Variants in PLPBP observed in about 807,000 individuals in gnomAD.
PLPBP encodes the protein pyridoxal phosphate binding protein.
In PLPBP, 21 loss-of-function variants were observed where a neutral mutation model predicts 31.2. The ratio of observed to expected loss-of-function variants is 0.67; its 90% CI spans 0.48 to 0.97. The LOEUF is 0.97. Among genes scored for constraint, PLPBP ranks in the 50% least tolerant of loss-of-function variants. The pLI is 0.00. For synonymous variants in PLPBP, 124 were observed against 135.6 expected (o/e 0.91, Z 0.59); for missense variants, 308 against 354.4 (o/e 0.87, Z 1.05).
chr8:37,773,623 C>T lies in PLPBP; in HGVS notation c.454+734C>T, dbSNP rs188067392. On this transcript the variant is annotated intron_variant, in intron 5 of 7. Coordinates refer to ENST00000328195, the MANE Select transcript of PLPBP (RefSeq NM_007198.4). ...AGCTGGGATTACAGGCACGCGCTAC[C>T]ACGCCCAGCTAATATTTGTATTTTT... Among the ~76,000 whole-genome samples, 59 of 152,210 alleles carry T rather than the reference C, an allele frequency of 3.9e-4. No individual in the cohort carries two copies. The South Asian group carries it at 7.7e-3, about 20-fold the overall frequency.
chr8:37,766,581 C>T, intron 4 of PLPBP: 1 of 1,160,692 alleles, frequency 8.6e-7, no homozygotes, highest in Non-Finnish European at 1.1e-6. Flanking sequence ...TACCCAACCT[C>T]ATGTTTATTA....
rs949408076 is a variant in PLPBP at position 37,779,182 on chromosome 8, T to G, written c.*1078T>G. On this transcript the variant is annotated 3_prime_UTR_variant, in exon 8 of 8. Coordinates refer to ENST00000328195, the MANE Select transcript of PLPBP (RefSeq NM_007198.4). ...ACATCATCCTGAAGAGACAGGACTT[T>G]GCGTTTTTCCTCTGGGACCTACAGT... 2 of 152,208 alleles carry G rather than the reference T, an allele frequency of 1.3e-5. No individual in the cohort carries two copies. The highest frequency in any genetic ancestry group is 4.8e-5 in the African/African-American group (2 of 41,456). The allele number at this position is 152,208 out of a possible 1,614,324, so 9.4% of individuals were successfully genotyped here. A position where few individuals can be genotyped will look rare whatever the true frequency, so the allele number is the denominator to read the frequency against.
rs751675133 is a variant in PLPBP at position 37,778,160 on chromosome 8, T to G, written c.*56T>G. 2 of 1,582,194 alleles carry G rather than the reference T, an allele frequency of 1.3e-6. No homozygotes were observed. Among genetic ancestry groups the G allele is most frequent in the Non-Finnish European group, 8.6e-7 (1 of 1,159,326 alleles). On this transcript the variant is annotated 3_prime_UTR_variant, in exon 8 of 8. Coordinates refer to ENST00000328195, the MANE Select transcript of PLPBP (RefSeq NM_007198.4). ...ACTAACCTAGATTTTCATTTCGATATTCCCTGTGTCCCAGCGCAGTCCTGC... is the reference window on the plus strand; with the variant it reads ...ACTAACCTAGATTTTCATTTCGATAGTCCCTGTGTCCCAGCGCAGTCCTGC...
At chr8:37,776,706 G>A (rs1191616330) in intron 7 of PLPBP, among the ~76,000 whole-genome samples, 2 of 151,970 alleles carry the variant, frequency 1.3e-5, no homozygotes, top group African/African-American at 4.8e-5. Flanking sequence ...ATTTCATTAC[G>A]TAAGTGCGTG....
In PLPBP at chr8:37,769,096, A is replaced by G. The variant is rs1803710561; in HGVS notation, c.319+2741A>G. Among the ~76,000 whole-genome samples the G allele has an allele frequency of 3.3e-5, 5 of 152,124 alleles. 1 individual carries two copies. Among genetic ancestry groups the G allele is most frequent in the Admixed American group, 1.3e-4 (2 of 15,262 alleles). On this transcript the variant is annotated intron_variant, in intron 4 of 7. Transcript: ENST00000328195. ...ACACCTGTAAATCTAGCACTTTGGG[A>G]GGCCAAGGCAGGTGGATCACTTGAG...
Position 37,765,641 on chromosome 8 carries a change from C to G in PLPBP, c.207+8C>G, listed in dbSNP as rs753713837. ...ACTTTTGGCGAGAACTACGTAAGAG[C>G]CCTTTCCTGAAGCCCTTTGGAAGCA... On this transcript the variant is annotated splice_region_variant and intron_variant, in intron 2 of 7. Transcript: ENST00000328195. 20 of 1,614,060 alleles carry G rather than the reference C, an allele frequency of 1.2e-5. No homozygotes were observed. The highest frequency in any genetic ancestry group is 1.6e-5 in the Non-Finnish European group (19 of 1,180,020).
chr8:37,772,764 A>T lies in PLPBP; in HGVS notation c.329A>T (p.Asn110Ile), dbSNP rs370405023. ...CTCTGTCTCATTACAGCTGTCCCCA[A>T]TCTCTTCATGCTGGAAACAGTGGAT... is the stretch of plus-strand genomic sequence containing the variant. ...QNVNKLMAVP[N>I]LFMLETVDSV... is the part of the protein sequence containing the mutation. The change falls in exon 5 of 8, where the codon AAT becomes ATT. Residue 110 changes from asparagine to isoleucine, a missense_variant. Around this residue, in one of 2 missense-constraint regions of PLPBP, gnomAD observed 188 missense variants for 259.3 expected, o/e 0.73. Transcript: ENST00000328195. 1 of 1,614,168 alleles carries T rather than the reference A, an allele frequency of 6.2e-7. No individual in the cohort carries two copies. Among genetic ancestry groups the T allele is most frequent in the South Asian group, 1.1e-5 (1 of 91,086 alleles).
At chr8:37,768,624 C>G (rs1803697778) in intron 4 of PLPBP, among the ~76,000 whole-genome samples, 1 of 151,896 alleles carries the variant, frequency 6.6e-6, no homozygotes, top group Non-Finnish European at 1.5e-5. Flanking sequence ...AGGCGCCCAC[C>G]ACCACGCCCA....
At position 37,762,655 on chromosome 8, in the gene PLPBP, G is replaced by T. The variant is rs1337509340; in HGVS notation, c.-5G>T. Reference sequence around the variant, plus strand: ...GGCCTGGGGCTCGGCGTCGGTCCCCGGGGGATGTGGAGAGCTGGCAGCATG... The same window carrying T: ...GGCCTGGGGCTCGGCGTCGGTCCCCTGGGGATGTGGAGAGCTGGCAGCATG... On this transcript the variant is annotated 5_prime_UTR_variant, in exon 1 of 8. Transcript: ENST00000328195. 6.3e-7 allele frequency: 1 copy of T among 1,575,000 alleles called. No homozygotes were observed. Among genetic ancestry groups the T allele is most frequent in the African/African-American group, 1.3e-5 (1 of 74,606 alleles).
rs1323782466 is a variant in PLPBP, at chr8:37,779,310, C to T, written c.*1206C>T. The T allele has an allele frequency of 6.6e-6, 1 of 152,124 alleles. No individual in the cohort carries two copies. Among genetic ancestry groups the T allele is most frequent in the Non-Finnish European group, 1.5e-5 (1 of 68,020 alleles). 9.4% of individuals were successfully genotyped at this position (152,124 alleles called of 1,614,324 possible). On this transcript the variant is annotated 3_prime_UTR_variant, in exon 8 of 8. Transcript: ENST00000328195. ...ATTACTCCTAAGAAACGAAAGATTC[C>T]TTCAAAGCCTTTTCAGGCACATGGT...
At chr8:37,764,195 C>T (rs1376124491) in intron 1 of PLPBP, among the ~76,000 whole-genome samples, 1 of 151,976 alleles carries the variant, frequency 6.6e-6, no homozygotes, top group Admixed American at 6.6e-5. Context: ...CTCCACCTCC[C>T]GGGTTCACGC....
chr8:37,776,594 AT>A (rs1183132994), intron 7 of PLPBP, among the ~76,000 whole-genome samples: 1 of 151,936 alleles, frequency 6.6e-6, no homozygotes, highest in Non-Finnish European at 1.5e-5. Context: ...TCTAAAGGAA[AT>A]AAGAAATTAA....
intron 4 of PLPBP, among the ~76,000 whole-genome samples, chr8:37,770,048 A>G (rs939665228): frequency 1.2e-4 from 19 of 152,364 alleles, no homozygotes; most frequent in Middle Eastern, 3.4e-3. Context: ...CAGTATTGTC[A>G]AAATGTCCTT....
chr8:37,763,434 G>C (rs865941349), intron 1 of PLPBP, among the ~76,000 whole-genome samples: 2 of 152,212 alleles, frequency 1.3e-5, no homozygotes, highest in African/African-American at 2.4e-5. Flanking sequence ...TTAACAGAGA[G>C]GTCACAGGTT....
chr8:37,762,693 G>C lies in PLPBP; in HGVS notation c.34G>C (p.Gly12Arg), dbSNP rs1803510078. The C allele has an allele frequency of 6.3e-7, 1 of 1,590,716 alleles. No individual in the cohort carries two copies. Reference protein sequence around the residue: ...WRAGSMSAELGVGCALRAVNE... With the variant: ...WRAGSMSAELRVGCALRAVNE... ...AGCTGGCAGCATGTCGGCCGAGCTG[G>C]GAGTCGGGTGCGCATTGCGGGCGGT... The change falls in exon 1 of 8, where the codon GGA becomes CGA. Residue 12 changes from glycine to arginine, a missense_variant. By Grantham distance (125) the Gly-to-Arg change is moderately radical. Coordinates refer to ENST00000328195, the MANE Select transcript of PLPBP (RefSeq NM_007198.4).
At chr8:37,777,316 A>AT (rs1344554890) in intron 7 of PLPBP, among the ~76,000 whole-genome samples, 1 of 152,160 alleles carries the variant, frequency 6.6e-6, no homozygotes, top group Admixed American at 6.5e-5. Flanking sequence ...TTATAAGGAT[A>AT]TTTTTTTCAT....
In PLPBP at chr8:37,777,951, TACC is replaced by T. The variant is rs776709517; in HGVS notation, c.697-21_697-19del. ...TTATTATTTTAAACCTGGTCCTCGA[TACC>T]TTCTCTTTTTTCCCACAGGTTGAAG... On this transcript the variant is annotated intron_variant, in intron 7 of 7. Transcript: ENST00000328195. 6.2e-7 allele frequency: 1 copy of T among 1,603,060 alleles called. No individual in the cohort carries two copies. The highest frequency in any genetic ancestry group is 1.1e-5 in the South Asian group (1 of 90,702).
At position 37,775,905 on chromosome 8, in the gene PLPBP, CTCTT is replaced by C. The variant is rs1354113406; in HGVS notation, c.598-9_598-6del. On this transcript the variant is annotated splice_polypyrimidine_tract_variant and intron_variant, in intron 6 of 7. Coordinates refer to ENST00000328195, the MANE Select transcript of PLPBP (RefSeq NM_007198.4). ...AAGGCAGGAGTAAAATAGGTGTCATCTCTTTCTGTCAGCTGTTATTGTCCCTCCG... is the reference window on the plus strand; with the variant it reads ...AAGGCAGGAGTAAAATAGGTGTCATCTCTGTCAGCTGTTATTGTCCCTCCG... 6.2e-7 allele frequency: 1 copy of C among 1,601,204 alleles called. No individual in the cohort carries two copies. The highest frequency in any genetic ancestry group is 1.7e-4 in the Middle Eastern group (1 of 6,022).
chr8:37,765,701 G>A lies in PLPBP; in HGVS notation c.208-10G>A, dbSNP rs780783617. 3.1e-6 allele frequency: 5 copies of A among 1,613,914 alleles called. No individual in the cohort carries two copies. The Admixed American group carries it at 8.3e-5, about 27-fold the overall frequency. The stretch of plus-strand genomic sequence containing the variant: ...CCAGGCTTCTGACTTGTTCTGTTTT[G>A]ACCTTTTAGGTTCAGGAACTGCTAG... On this transcript the variant is annotated splice_polypyrimidine_tract_variant and intron_variant, in intron 2 of 7. Coordinates refer to ENST00000328195, the MANE Select transcript of PLPBP (RefSeq NM_007198.4).
Sources: allele counts gnomAD v4.1 joint callset (sites outside exome capture counted in the v4.1 genomes callset), GRCh38; gene constraint gnomAD v4.1.1; regional missense constraint gnomAD v4.1.1; transcripts MANE v1.5; gene names NCBI Gene and HGNC (gene_info 2026-07-23, HGNC 2026-07-21).